CROCC: variants seen among roughly 807,000 people sequenced by gnomAD.
The protein encoded by CROCC is ciliary rootlet coiled-coil, rootletin.
CROCC carries 180 observed loss-of-function variants against 245.2 expected under a neutral mutation model. The observed-to-expected ratio is 0.73, with a 90% confidence interval of 0.65 to 0.83. The LOEUF (loss-of-function observed/expected upper bound fraction) is 0.83, where lower values mean the gene tolerates loss of function less well. CROCC is among the 40% of genes least tolerant of loss of function. CROCC has a pLI of 0.00. For missense variants in CROCC, 2,688 were observed against 2,779.4 expected (o/e 0.97, Z 0.74); for synonymous variants, 1,205 against 1,241.6 (o/e 0.97, Z 0.62).
intron 17 of CROCC, among the ~76,000 whole-genome samples, chr1:16,947,499 A>AATAATAATG (rs1444933787): frequency 3.3e-5 from 5 of 150,874 alleles, no homozygotes; most frequent in Admixed American, 6.6e-5. Context: ...TAATAATAAT[A>AATAATAATG]ATGATACAGA....
At chr1:16,939,860 G>C in intron 12 of CROCC, 34 bp from the exon 13 acceptor site, 2 of 1,605,416 alleles carry the variant, frequency 1.2e-6, no homozygotes, top group African/African-American at 1.3e-5. Flanking sequence ...GGCCTCTCAG[G>C]CCCCCCCAGA....
At chr1:16,940,153 C>T (rs11203455) in intron 13 of CROCC, 60 bp downstream of exon 13, 255,700 of 1,496,798 alleles carry the variant, frequency 0.17, 12,706 homozygotes, top group African/African-American at 0.28. Flanking sequence ...GGGCATAACA[C>T]CAGTCAAGCC....
intron 13 of CROCC, among the ~76,000 whole-genome samples, chr1:16,940,390 A>ATTT (rs34580933): frequency 5.9e-4 from 81 of 136,298 alleles, no homozygotes; most frequent in African/African-American, 2.0e-3. Flanking sequence ...TGCCGGGCTA[A>ATTT]TTTTTTTTTT....
In CROCC at chr1:16,968,397, G is replaced by T. The variant is rs200267551; in HGVS notation, c.5055G>T (p.Arg1685=). The part of the protein sequence containing the change: ...REAQAQALQD[R]VDSLQRQVAD... ...CCCAAGCCCAGGCCCTCCAGGATCG[G>T]GTGGATTCCCTGCAGAGACAGGTGG... is the stretch of plus-strand genomic sequence containing the variant. The change falls in exon 31 of 37, where the codon CGG becomes CGT. Residue 1685 remains arginine, a synonymous_variant. Coordinates refer to ENST00000375541, the MANE Select transcript of CROCC (RefSeq NM_014675.5). 1.1e-4 allele frequency: 161 copies of T among 1,496,708 alleles called. 2 individuals carry two copies. In the East Asian group the frequency reaches 3.5e-3, roughly 32 times the overall value. The allele number at this position is 1,496,708 out of a possible 1,614,324, so 92.7% of individuals were successfully genotyped here. A position where few individuals can be genotyped will look rare whatever the true frequency, so the allele number is the denominator to read the frequency against.
chr1:16,927,086 A>G (rs2075550961), intron 3 of CROCC, among the ~76,000 whole-genome samples: 2 of 152,206 alleles, frequency 1.3e-5, no homozygotes, highest in Non-Finnish European at 2.9e-5. Flanking sequence ...TGTACACGAC[A>G]TGGGCTACAC....
At chr1:16,926,099 G>A (rs1405665109) in intron 3 of CROCC, among the ~76,000 whole-genome samples, 1 of 152,274 alleles carries the variant, frequency 6.6e-6, no homozygotes, top group Non-Finnish European at 1.5e-5. Flanking sequence ...CAGGGGGTCT[G>A]GGTTAGTCTA....
Position 16,953,745 on chromosome 1 carries a change from C to G in CROCC, c.3186+264C>G, listed in dbSNP as rs2076203082. On this transcript the variant is annotated intron_variant, in intron 21 of 36. Transcript: ENST00000375541. ...AAAGCTGTTCCATATTCTCCCATGC[C>G]TCGTCCCACCCCACGCTGGGCATGG... The G allele has an allele frequency of 7.2e-6, 3 of 419,468 alleles. No individual in the cohort carries two copies. In the South Asian group the frequency reaches 9.8e-5, roughly 14 times the overall value. The allele number at this position is 419,468 out of a possible 1,614,324, so 26.0% of individuals were successfully genotyped here.
In CROCC at chr1:16,944,264, G is replaced by C; in HGVS notation, c.1973G>C (p.Arg658Pro). 5 of 1,543,248 alleles carry C rather than the reference G, an allele frequency of 3.2e-6. No individual in the cohort carries two copies. The highest frequency in any genetic ancestry group is 4.4e-6 in the Non-Finnish European group (5 of 1,143,192). The change falls in exon 14 of 37, where the codon CGC becomes CCC. Residue 658 changes from arginine (R) to proline (P), a missense_variant. Around this residue, in one of 9 missense-constraint regions of CROCC, gnomAD observed 972 missense variants for 895.3 expected, o/e 1.09. Coordinates refer to ENST00000375541, the MANE Select transcript of CROCC (RefSeq NM_014675.5). ...EDAVQDGARV[R>P]RELERSHRQL... ...GCAGTGCAGGATGGCGCGCGGGTGC[G>C]CCGGGAGCTTGAGCGCAGGTGAGCA...
In CROCC at chr1:16,931,335, C is replaced by G. The variant is rs974448213; in HGVS notation, c.894C>G (p.Leu298=). The G allele has an allele frequency of 4.6e-5, 74 of 1,612,740 alleles. No homozygotes were observed. The highest frequency in any genetic ancestry group is 1.6e-4 in the Middle Eastern group (1 of 6,074). Residue 298 remains leucine (L), a synonymous_variant, in exon 8 of 37, where the codon CTC becomes CTG. Coordinates refer to ENST00000375541, the MANE Select transcript of CROCC (RefSeq NM_014675.5). ...GCAACGAGCACAGTCGCCTGCTCCTCCTCTGGAGGCAGGTGGTGGGGTTCC... is the reference window on the plus strand; with the variant it reads ...GCAACGAGCACAGTCGCCTGCTCCTGCTCTGGAGGCAGGTGGTGGGGTTCC... ...YFSNEHSRLL[L]LWRQVVGFRR...
intron 12 of CROCC, 49 bp from the exon 13 acceptor site, chr1:16,939,845 C>G: frequency 6.3e-7 from 1 of 1,591,272 alleles, no homozygotes; most frequent in African/African-American, 1.3e-5. Context: ...GTAGGTGGCT[C>G]TGGAGGCCTC....
intron 1 of CROCC, among the ~76,000 whole-genome samples, chr1:16,916,400 C>T (rs746305699): frequency 4.6e-5 from 7 of 152,258 alleles, no homozygotes; most frequent in South Asian, 2.1e-4. Context: ...TAGAGACCCT[C>T]GGGGAGCCAT....
intron 3 of CROCC, 22 bp downstream of exon 3, chr1:16,924,501 G>T (rs1433846436): frequency 1.2e-6 from 2 of 1,606,082 alleles, no homozygotes; most frequent in Non-Finnish European, 1.7e-6. Context: ...CCAGGTGGTG[G>T]ACTAGGCCAG....
In CROCC at chr1:16,944,297, G is replaced by T; in HGVS notation, c.1991+15G>T. 6.6e-7 allele frequency: 1 copy of T among 1,520,334 alleles called. No individual in the cohort carries two copies. Among genetic ancestry groups the T allele is most frequent in the Non-Finnish European group, 8.8e-7 (1 of 1,132,474 alleles). 94.2% of individuals were successfully genotyped at this position (1,520,334 alleles called of 1,614,324 possible). On this transcript the variant is annotated intron_variant, in intron 14 of 36. Coordinates refer to ENST00000375541, the MANE Select transcript of CROCC (RefSeq NM_014675.5). ...CTTGAGCGCAGGTGAGCAGCATCTC[G>T]CCACCCTGCCAGGACCCTTCAGATG...
In CROCC at chr1:16,969,864, T is replaced by A; in HGVS notation, c.5381T>A (p.Leu1794Ter). The A allele has an allele frequency of 1.2e-6, 2 of 1,612,176 alleles. No individual in the cohort carries two copies. Among genetic ancestry groups the A allele is most frequent in the Non-Finnish European group, 1.7e-6 (2 of 1,179,190 alleles). ...TCCCTGGGCGAGCAGGTGCAGACGT[T>A]GCGAGGCGAGGTGGCTGACCTGGAA... is the stretch of plus-strand genomic sequence containing the variant. ...SSSLGEQVQT[L>*]RGEVADLELQ... Residue 1794 changes from leucine (L) to a stop codon, truncating the protein, a stop_gained, in exon 33 of 37, where the codon TTG becomes TAG. Transcript: ENST00000375541. LOFTEE classifies it high-confidence loss of function.
chr1:16,952,356 G>C (rs112432821), intron 20 of CROCC, among the ~76,000 whole-genome samples: 1 of 151,950 alleles, frequency 6.6e-6, no homozygotes. Flanking sequence ...GTGGTGGCAC[G>C]CGCCTGTAGT....
chr1:16,949,861 C>A (rs2076129647), intron 19 of CROCC, among the ~76,000 whole-genome samples: 1 of 151,874 alleles, frequency 6.6e-6, no homozygotes, highest in Admixed American at 6.6e-5. Context: ...CCTCTGCCTT[C>A]TGGGTTCAAG....
chr1:16,964,508 C>T (rs1375617436), intron 27 of CROCC, among the ~76,000 whole-genome samples: 1 of 152,158 alleles, frequency 6.6e-6, no homozygotes, highest in African/African-American at 2.4e-5. Context: ...CCTGCCTCAG[C>T]CTCCTGAGTA....
chr1:16,936,057 A>G (rs1427086386), intron 8 of CROCC, among the ~76,000 whole-genome samples: 2 of 151,704 alleles, frequency 1.3e-5, no homozygotes, highest in African/African-American at 4.8e-5. Flanking sequence ...TGTATTATGT[A>G]TCCCTTTTTT....
intron 6 of CROCC, 38 bp downstream of exon 6, chr1:16,930,385 G>C: frequency 6.2e-7 from 1 of 1,611,224 alleles, no homozygotes; most frequent in Non-Finnish European, 8.5e-7. Flanking sequence ...CTGGCAGGAT[G>C]GCCCCCTGCG....
Sources: gnomAD v4.1 joint callset for allele counts (sites outside exome capture counted in the v4.1 genomes callset) on GRCh38, gnomAD v4.1.1 for gene constraint, gnomAD v4.1.1 regional missense constraint, MANE v1.5 for transcripts, NCBI Gene and HGNC (gene_info 2026-07-23, HGNC 2026-07-21) for gene names.